The following CARMIL1 variants were observed in gnomAD, a reference collection of about 807,000 sequenced individuals.
The protein encoded by CARMIL1 is capping protein regulator and myosin 1 linker 1, also known as F-actin-uncapping protein LRRC16A.
Under a neutral mutation model 177.1 loss-of-function variants are expected in CARMIL1, and 90 were observed. The ratio of observed to expected loss-of-function variants is 0.51; its 90% confidence interval spans 0.43 to 0.61. CARMIL1 has a LOEUF of 0.61. Among genes scored for constraint, CARMIL1 ranks in the 20% least tolerant of loss-of-function variants. The pLI is 0.00. For missense variants in CARMIL1, 1,380 were observed against 1,667.0 expected (o/e 0.83, Z 3.00); for synonymous variants, 577 against 606.2 (o/e 0.95, Z 0.71).
At chr6:25,391,386 A>G (rs930145657) in intron 2 of CARMIL1, among the ~76,000 whole-genome samples, 1 of 152,182 alleles carries the variant, frequency 6.6e-6, no homozygotes, top group African/African-American at 2.4e-5. Flanking sequence ...ATCCTAGGAT[A>G]TGGTGGTGAT....
chr6:25,507,010 G>T (rs1170328758), intron 17 of CARMIL1, among the ~76,000 whole-genome samples: 1 of 152,100 alleles, frequency 6.6e-6, no homozygotes, highest in South Asian at 2.1e-4. Context: ...TCTCTTGAAA[G>T]AAAGACGATT....
At chr6:25,402,167 T>C (rs1793941044) in intron 2 of CARMIL1, among the ~76,000 whole-genome samples, 1 of 151,836 alleles carries the variant, frequency 6.6e-6, no homozygotes, top group Admixed American at 6.6e-5. Context: ...TTCATGGTGA[T>C]CTTGGGAGGA....
intron 8 of CARMIL1, among the ~76,000 whole-genome samples, chr6:25,459,238 C>CTTTCTTTCTTTCTTTCTTTT (rs1799825805): frequency 1.1e-5 from 1 of 95,000 alleles, no homozygotes; most frequent in African/African-American, 3.9e-5. Flanking sequence ...TTCTTTCTTT[C>CTTTCTTTCTTTCTTTCTTTT]TTTCTTTCTT....
At chr6:25,381,576 G>A (rs1791542960) in intron 2 of CARMIL1, among the ~76,000 whole-genome samples, 1 of 152,044 alleles carries the variant, frequency 6.6e-6, no homozygotes. Flanking sequence ...TCTCTATAAA[G>A]GCTCACAGAA....
chr6:25,616,223 AGAG>A (rs1816878800), intron 36 of CARMIL1, among the ~76,000 whole-genome samples: 1 of 152,180 alleles, frequency 6.6e-6, no homozygotes, highest in Non-Finnish European at 1.5e-5. Context: ...AAGCTGCCTA[AGAG>A]GAGGTCTGTC....
rs74896389 is a variant in CARMIL1, at chr6:25,569,813, G to T, written c.2743-11111G>T. Among the ~76,000 whole-genome samples the T allele has an allele frequency of 1.3e-3, 204 of 151,984 alleles. 1 individual carries two copies. The highest frequency in any genetic ancestry group is 0.011 in the East Asian group (56 of 5,178). ...AGTTTTTGCCTTTCATTTTAACATG[G>T]ATTTTCCAAGATTGCGACTTAAAAT... On this transcript the variant is annotated intron_variant, in intron 29 of 36. Transcript: ENST00000329474.
chr6:25,468,256 C>T (rs985778117), intron 9 of CARMIL1, among the ~76,000 whole-genome samples: 1 of 151,544 alleles, frequency 6.6e-6, no homozygotes, highest in Non-Finnish European at 1.5e-5. Flanking sequence ...GGCCAACATT[C>T]TTGATTCATT....
Position 25,515,950 on chromosome 6 carries a change from T to G in CARMIL1, c.1805+103T>G. The G allele has an allele frequency of 8.7e-7, 1 of 1,155,142 alleles. No homozygotes were observed. Among genetic ancestry groups the G allele is most frequent in the Non-Finnish European group, 1.2e-6 (1 of 835,534 alleles). The allele number at this position is 1,155,142 out of a possible 1,614,324, so 71.6% of individuals were successfully genotyped here. On this transcript the variant is annotated intron_variant, in intron 21 of 36. Coordinates refer to ENST00000329474, the MANE Select transcript of CARMIL1 (RefSeq NM_017640.6). The surrounding 1 kb of genome is among the most constrained non-coding windows in gnomAD (Gnocchi z 5.0). ...GGCCCGAGGGGACCTGGGCTTCCCA[T>G]GAGGCCATCTTGAGGAGAAGAGGTG...
chr6:25,598,527 C>T (rs1387628526), intron 32 of CARMIL1, among the ~76,000 whole-genome samples: 1 of 152,194 alleles, frequency 6.6e-6, no homozygotes, highest in African/African-American at 2.4e-5. Flanking sequence ...GCATGAACTA[C>T]CATGCCCAGG....
At chr6:25,283,382 T>C (rs1410785067) in intron 1 of CARMIL1, among the ~76,000 whole-genome samples, 1 of 152,194 alleles carries the variant, frequency 6.6e-6, no homozygotes, top group Non-Finnish European at 1.5e-5. Context: ...AGGCCCTTAC[T>C]GCAGTCATGC....
intron 32 of CARMIL1, among the ~76,000 whole-genome samples, chr6:25,596,160 A>C (rs542277162): frequency 3.4e-5 from 5 of 146,526 alleles, no homozygotes; most frequent in Admixed American, 2.7e-4. Context: ...AAGTTGGGTA[A>C]ATTTTGTAAG....
chr6:25,617,420 A>G (rs1309646551), intron 36 of CARMIL1, among the ~76,000 whole-genome samples: 1 of 152,220 alleles, frequency 6.6e-6, no homozygotes, highest in Non-Finnish European at 1.5e-5. Flanking sequence ...ATTGGGAAGA[A>G]TGAAAAGCTT....
chr6:25,501,697 C>G (rs1804353707), intron 17 of CARMIL1, among the ~76,000 whole-genome samples: 1 of 152,118 alleles, frequency 6.6e-6, no homozygotes, highest in Admixed American at 6.6e-5. Flanking sequence ...TAAATTAACT[C>G]CTGTATGCTT....
chr6:25,330,335 T>C (rs946985033), intron 2 of CARMIL1, among the ~76,000 whole-genome samples: 4 of 151,914 alleles, frequency 2.6e-5, no homozygotes, highest in African/African-American at 4.8e-5. Context: ...GGATTTAAAG[T>C]GTGAAGTTCA....
In CARMIL1 at chr6:25,509,428, A is replaced by T. The variant is rs959101435; in HGVS notation, c.1396-228A>T. ...TCTTGTTTCTCTTTTGTTTTTTTCT[A>T]ATGTTTTTAGGATTTAATGTGGGAT... On this transcript the variant is annotated intron_variant, in intron 17 of 36. Coordinates refer to ENST00000329474, the MANE Select transcript of CARMIL1 (RefSeq NM_017640.6). The surrounding 1 kb of genome is among the most constrained non-coding windows in gnomAD (Gnocchi z 4.1). Among the ~76,000 whole-genome samples the T allele has an allele frequency of 9.2e-5, 14 of 152,168 alleles. No homozygotes were observed. The East Asian group carries it at 2.7e-3, about 29-fold the overall frequency.
intron 8 of CARMIL1, among the ~76,000 whole-genome samples, chr6:25,455,995 C>T (rs1203115727): frequency 6.6e-6 from 1 of 152,156 alleles, no homozygotes; most frequent in African/African-American, 2.4e-5. Context: ...CACCAAGAGC[C>T]CCTACTACTG....
intron 26 of CARMIL1, among the ~76,000 whole-genome samples, chr6:25,540,619 T>C (rs1223092299): frequency 6.6e-6 from 1 of 152,170 alleles, no homozygotes; most frequent in Non-Finnish European, 1.5e-5. Flanking sequence ...TTGAAACTTT[T>C]GGGGAATAGA....
chr6:25,319,462 G>A (rs1452082357), intron 2 of CARMIL1, among the ~76,000 whole-genome samples: 1 of 152,028 alleles, frequency 6.6e-6, no homozygotes, highest in Non-Finnish European at 1.5e-5. Flanking sequence ...CAAAGGGCTC[G>A]ATTTCCTTAA....
At chr6:25,366,599 T>C (rs145938067) in intron 2 of CARMIL1, among the ~76,000 whole-genome samples, 2 of 151,368 alleles carry the variant, frequency 1.3e-5, no homozygotes, top group Non-Finnish European at 2.9e-5. Context: ...TTTTGCTCAC[T>C]GCTGTATATC....
Sources: allele counts gnomAD v4.1 joint callset (sites outside exome capture counted in the v4.1 genomes callset), GRCh38; gene constraint gnomAD v4.1.1; non-coding constraint Gnocchi (gnomAD v3.1); transcripts MANE v1.5; gene names NCBI Gene and HGNC (gene_info 2026-07-23, HGNC 2026-07-21).